PLCB4: variants seen among roughly 807,000 people sequenced by gnomAD.
PLCB4 encodes 1-phosphatidylinositol 4,5-bisphosphate phosphodiesterase beta-4.
A neutral mutation model predicts 178.8 loss-of-function variants in PLCB4; 77 were observed. The observed-to-expected ratio is 0.43, with a 90% CI of 0.36 to 0.52. The LOEUF is 0.52. Among genes scored for constraint, PLCB4 ranks in the 20% least tolerant of loss-of-function variants. The probability of loss-of-function intolerance (pLI) is 0.00; values close to 1 mark genes in which losing one functional copy is unlikely to be tolerated. For synonymous variants in PLCB4, 496 were observed against 490.8 expected (o/e 1.01, Z -0.14); for missense variants, 1,024 against 1,453.4 (o/e 0.70, Z 4.80).
chr20:9,191,345 ATTTTTTTTTTT>A lies in PLCB4; in HGVS notation c.-78-26027_-78-26017del, dbSNP rs71184136. Reference sequence around the variant, plus strand: ...AAGGGCTGGAGGGAACTAGATAGGCATTTTTTTTTTTTTTTTTTTTTTTTTTTTGCTTTCCA... The same window carrying A: ...AAGGGCTGGAGGGAACTAGATAGGCATTTTTTTTTTTTTTTTTGCTTTCCA... On this transcript the variant is annotated intron_variant, in intron 2 of 39. Transcript: ENST00000378473. Among the ~76,000 whole-genome samples, 270 of 58,858 alleles carry A rather than the reference ATTTTTTTTTTT, an allele frequency of 4.6e-3. 3 individuals carry two copies. Among genetic ancestry groups the A allele is most frequent in the African/African-American group, 0.018 (246 of 13,548 alleles). The allele number at this position is 58,858 out of a possible 152,430, so 38.6% of individuals were successfully genotyped here.
At chr20:9,263,617 T>C (rs2094319991) in intron 3 of PLCB4, among the ~76,000 whole-genome samples, 2 of 152,202 alleles carry the variant, frequency 1.3e-5, no homozygotes. Flanking sequence ...AGACCAGGGC[T>C]ACTGAGATGG....
chr20:9,310,546 T>C (rs933904956), intron 4 of PLCB4, among the ~76,000 whole-genome samples: 1 of 149,390 alleles, frequency 6.7e-6, no homozygotes, highest in African/African-American at 2.5e-5. Context: ...CCATTTCTAC[T>C]AAAAATATAA....
intron 15 of PLCB4, among the ~76,000 whole-genome samples, chr20:9,388,004 C>T (rs948007920): frequency 2.6e-5 from 4 of 151,566 alleles, no homozygotes; most frequent in East Asian, 2.0e-4. Context: ...TTTGGGAAGC[C>T]GAGGCAGGGA....
intron 12 of PLCB4, among the ~76,000 whole-genome samples, chr20:9,373,353 G>A (rs1440669971): frequency 6.6e-6 from 1 of 152,152 alleles, no homozygotes; most frequent in East Asian, 1.9e-4. Flanking sequence ...GGTTCTGTGT[G>A]TATGTGTGAA....
chr20:9,459,840 A>G (rs748095506), intron 35 of PLCB4, 30 bp downstream of exon 35: 1 of 1,501,068 alleles, frequency 6.7e-7, no homozygotes, highest in Non-Finnish European at 9.2e-7. Flanking sequence ...CAGAGTAAAC[A>G]TCTAATATTT....
intron 4 of PLCB4, among the ~76,000 whole-genome samples, chr20:9,334,433 G>A (rs576827688): frequency 6.6e-6 from 1 of 152,266 alleles, no homozygotes; most frequent in African/African-American, 2.4e-5. Flanking sequence ...GGGGTAGTAA[G>A]TGGGGTAGTA....
At chr20:9,314,641 A>G (rs928241406) in intron 4 of PLCB4, among the ~76,000 whole-genome samples, 1 of 152,212 alleles carries the variant, frequency 6.6e-6, no homozygotes, top group Non-Finnish European at 1.5e-5. Flanking sequence ...CATTTTGTAT[A>G]TAATCACATT....
chr20:9,391,103 G>A (rs1911934359), intron 17 of PLCB4, among the ~76,000 whole-genome samples: 2 of 152,228 alleles, frequency 1.3e-5, no homozygotes, highest in South Asian at 2.1e-4. Flanking sequence ...TTGATGTCAC[G>A]ACATCCTGAA....
intron 3 of PLCB4, among the ~76,000 whole-genome samples, chr20:9,223,417 T>C (rs1319792670): frequency 6.6e-6 from 1 of 152,248 alleles, no homozygotes; most frequent in Non-Finnish European, 1.5e-5. Flanking sequence ...GTCACCTTTT[T>C]ACCTCTCAGT....
intron 18 of PLCB4, among the ~76,000 whole-genome samples, chr20:9,394,063 C>T (rs2148429454): frequency 1.3e-5 from 2 of 152,242 alleles, no homozygotes; most frequent in Middle Eastern, 3.4e-3. Flanking sequence ...TCTAGGGATA[C>T]TAGGTACATA....
At chr20:9,132,148 T>C (rs914729661) in intron 2 of PLCB4, among the ~76,000 whole-genome samples, 4 of 152,210 alleles carry the variant, frequency 2.6e-5, no homozygotes, top group African/African-American at 9.6e-5. Flanking sequence ...AAGCAATAGA[T>C]AACTAAAACC....
chr20:9,401,351 C>A, intron 19 of PLCB4, 139 bp from the exon 20 acceptor site: 1 of 599,748 alleles, frequency 1.7e-6, no homozygotes, highest in Non-Finnish European at 3.0e-6. Flanking sequence ...TGAAAAAATA[C>A]TGCATATATC....
chr20:9,098,725 G>GTA (rs1355394443), intron 2 of PLCB4, among the ~76,000 whole-genome samples: 2 of 120,336 alleles, frequency 1.7e-5, no homozygotes, highest in African/African-American at 3.3e-5. Context: ...ACGTGTGTGT[G>GTA]TATATATATA....
chr20:9,118,649 G>C (rs1043268481), intron 2 of PLCB4, among the ~76,000 whole-genome samples: 1 of 152,124 alleles, frequency 6.6e-6, no homozygotes, highest in Admixed American at 6.6e-5. Flanking sequence ...ATATGTGACA[G>C]TGGAGGGCTA....
chr20:9,475,567 A>G (rs1333048861), intron 38 of PLCB4, among the ~76,000 whole-genome samples: 1 of 152,212 alleles, frequency 6.6e-6, no homozygotes, highest in East Asian at 1.9e-4. Flanking sequence ...GACCTGATAA[A>G]GATTTAATGA....
chr20:9,370,086 A>G (rs1407528900), intron 9 of PLCB4, among the ~76,000 whole-genome samples: 1 of 152,178 alleles, frequency 6.6e-6, no homozygotes, highest in Non-Finnish European at 1.5e-5. Flanking sequence ...CCTCTGCTCA[A>G]TAGCTTTCAT....
chr20:9,423,545 G>A (rs2040794797), intron 27 of PLCB4, among the ~76,000 whole-genome samples: 1 of 152,190 alleles, frequency 6.6e-6, no homozygotes, highest in Non-Finnish European at 1.5e-5. Context: ...ATAATTTCCA[G>A]GAAACATGTT....
chr20:9,421,507 C>G (rs751376419), intron 27 of PLCB4, 46 bp downstream of exon 27: 9 of 1,537,822 alleles, frequency 5.9e-6, no homozygotes, highest in Non-Finnish European at 7.2e-6. Flanking sequence ...AACTTGGGAG[C>G]CATGTTTTAG....
chr20:9,309,877 G>A (rs1325156693), intron 4 of PLCB4, among the ~76,000 whole-genome samples: 1 of 152,190 alleles, frequency 6.6e-6, no homozygotes, highest in African/African-American at 2.4e-5. Context: ...GCTTCTAAAG[G>A]CATTTGCTTT....
Sources: allele counts gnomAD v4.1 joint callset (sites outside exome capture counted in the v4.1 genomes callset), GRCh38; gene constraint gnomAD v4.1.1; transcripts MANE v1.5; gene names NCBI Gene and HGNC (gene_info 2026-07-23, HGNC 2026-07-21).